The following UNC80 variants were observed in gnomAD, a reference collection of about 807,000 sequenced individuals.
UNC80 encodes unc-80 subunit of NALCN channel complex, also known as protein unc-80 homolog.
In UNC80, 164 loss-of-function variants were observed where a neutral mutation model predicts 384.6. The ratio of observed to expected loss-of-function variants is 0.43; its 90% CI spans 0.38 to 0.49. The LOEUF (loss-of-function observed/expected upper bound fraction) is 0.49, where lower values mean the gene tolerates loss of function less well. UNC80 is among the 20% of genes least tolerant of loss of function. The probability of loss-of-function intolerance (pLI) is 0.00; values close to 1 mark genes in which losing one functional copy is unlikely to be tolerated. For synonymous variants in UNC80, 1,486 were observed against 1,527.8 expected, an observed-to-expected ratio of 0.97 and a Z score of 0.64; for missense variants, 3,330 against 4,143.0, an observed-to-expected ratio of 0.80 and a Z score of 5.39.
rs573531158 is a variant in UNC80 at position 209,875,920 on chromosome 2, A to G, written c.3841-2034A>G. 3.9e-4 allele frequency among the ~76,000 whole-genome samples: 60 copies of G among 152,076 alleles called. 1 individual carries two copies. The highest frequency in any genetic ancestry group is 2.9e-4 in the Non-Finnish European group (20 of 68,000). On this transcript the variant is annotated intron_variant, in intron 23 of 64. Transcript: ENST00000673920. Reference sequence around the variant, plus strand: ...TGGGGTACAAGCAGTTTTTGACCACATAGATGAATTAATTTTATAGCAGTG... The same window carrying G: ...TGGGGTACAAGCAGTTTTTGACCACGTAGATGAATTAATTTTATAGCAGTG...
chr2:209,984,739 G>A (rs986360347), intron 60 of UNC80, 117 bp from the exon 61 acceptor site: 18 of 942,872 alleles, frequency 1.9e-5, no homozygotes, highest in Admixed American at 1.4e-4. Context: ...TTCCTTGTTC[G>A]GTTAAATCTA....
Position 209,872,651 on chromosome 2 carries a change from C to T in UNC80, c.3628-107C>T. On this transcript the variant is annotated intron_variant, in intron 22 of 64. Transcript: ENST00000673920. This position sits in a 1 kb window ranked among gnomAD's most constrained non-coding sequence, Gnocchi z 4.1. ...GAAATATGGCCAATATAAATCAAAA[C>T]ATGAAGAGGAAAATAAACTAAAAAT... 1 of 1,069,338 alleles carries T rather than the reference C, an allele frequency of 9.4e-7. No individual in the cohort carries two copies. Among genetic ancestry groups the T allele is most frequent in the Non-Finnish European group, 1.4e-6 (1 of 726,196 alleles). 66.2% of individuals were successfully genotyped at this position (1,069,338 alleles called of 1,614,324 possible).
chr2:209,903,423 T>C (rs2087681301), intron 28 of UNC80, among the ~76,000 whole-genome samples: 1 of 115,804 alleles, frequency 8.6e-6, no homozygotes, highest in Non-Finnish European at 1.7e-5. Flanking sequence ...ACACATTATA[T>C]ATATTTATAT....
chr2:209,839,292 G>T lies in UNC80; in HGVS notation c.3112G>T (p.Ala1038Ser). Residue 1038 changes from alanine to serine, a missense_variant, in exon 19 of 65, where the codon GCA (alanine) becomes TCA (serine). Ala to Ser is a moderately conservative substitution (Grantham distance 99). This residue lies in a region of UNC80 where 801 missense variants were observed against 950.8 expected (regional missense o/e 0.84). Coordinates refer to ENST00000673920, the MANE Select transcript of UNC80 (RefSeq NM_001371986.1). This position sits in a 1 kb window ranked among gnomAD's most constrained non-coding sequence, Gnocchi z 4.1. ...FWRKMFKSQS[A>S]ASDTSSQSEQ... ...GCGTAAGATGTTCAAGTCCCAGAGT[G>T]CAGCAAGTGACACCAGCAGCCAGTC... 6.4e-7 allele frequency: 1 copy of T among 1,551,638 alleles called. No homozygotes were observed. Among genetic ancestry groups the T allele is most frequent in the South Asian group, 1.2e-5 (1 of 84,054 alleles).
Position 209,816,957 on chromosome 2 carries a change from C to A in UNC80, c.1384C>A (p.His462Asn). 1 of 1,551,670 alleles carries A rather than the reference C, an allele frequency of 6.4e-7. No homozygotes were observed. The highest frequency in any genetic ancestry group is 8.7e-7 in the Non-Finnish European group (1 of 1,146,992). ...AGAGAGGAAAGGCTCCATTCCATTCCACCACACAGGCAAGAGGAGGCCACG... is the reference window on the plus strand; with the variant it reads ...AGAGAGGAAAGGCTCCATTCCATTCAACCACACAGGCAAGAGGAGGCCACG... ...DRERKGSIPF[H>N]HTGKRRPRRM... Residue 462 changes from histidine (H) to asparagine (N), a missense_variant, in exon 10 of 65, where the codon CAC becomes AAC. This residue lies in a region of UNC80 where 937 missense variants were observed against 1,026.8 expected (regional missense o/e 0.91). Transcript: ENST00000673920.
chr2:209,887,744 G>C (rs1321145260), intron 25 of UNC80, among the ~76,000 whole-genome samples: 1 of 152,128 alleles, frequency 6.6e-6, no homozygotes, highest in Non-Finnish European at 1.5e-5. Context: ...ACACATCCAT[G>C]CTTGATGCAT....
At chr2:209,824,765 C>T (rs2080389210) in intron 13 of UNC80, among the ~76,000 whole-genome samples, 1 of 152,136 alleles carries the variant, frequency 6.6e-6, no homozygotes, top group African/African-American at 2.4e-5. Context: ...AGAAAGTCAA[C>T]CTTATCATAG....
chr2:209,843,410 T>C (rs999308733), intron 21 of UNC80, among the ~76,000 whole-genome samples: 4 of 151,004 alleles, frequency 2.6e-5, no homozygotes, highest in Non-Finnish European at 6.0e-5. Context: ...CCATTATTTG[T>C]TCTTCATTTC....
chr2:209,876,901 CT>C (rs1294842703), intron 23 of UNC80, among the ~76,000 whole-genome samples: 1 of 152,128 alleles, frequency 6.6e-6, no homozygotes, highest in East Asian at 1.9e-4. Flanking sequence ...TCAAAAATGT[CT>C]TTTCATTTAA....
chr2:209,808,616 G>C (rs538176665), intron 7 of UNC80, among the ~76,000 whole-genome samples: 2 of 152,126 alleles, frequency 1.3e-5, no homozygotes, highest in Admixed American at 1.3e-4. Context: ...GTGGCCTTAG[G>C]GGGAGGCACG....
At chr2:209,992,307 T>C (rs1422900066) in intron 62 of UNC80, 60 bp downstream of exon 62, 1 of 1,451,620 alleles carries the variant, frequency 6.9e-7, no homozygotes, top group African/African-American at 1.4e-5. Flanking sequence ...CTGTGTGATT[T>C]TTAATGCCCA....
chr2:209,803,940 T>C (rs1395117242), intron 7 of UNC80, among the ~76,000 whole-genome samples: 1 of 152,160 alleles, frequency 6.6e-6, no homozygotes, highest in Non-Finnish European at 1.5e-5. Flanking sequence ...TCTTGCTATG[T>C]TGCCCAGGCT....
At chr2:209,809,885 G>A (rs2079206126) in intron 7 of UNC80, among the ~76,000 whole-genome samples, 1 of 152,138 alleles carries the variant, frequency 6.6e-6, no homozygotes, top group African/African-American at 2.4e-5. Flanking sequence ...TGGCTTTTCT[G>A]CATGTGTTTG....
chr2:209,895,211 C>G (rs1012046509), intron 27 of UNC80, among the ~76,000 whole-genome samples: 5 of 152,092 alleles, frequency 3.3e-5, no homozygotes, highest in African/African-American at 1.2e-4. Context: ...GTAGAACTCA[C>G]CAGCTGCCTA....
At chr2:209,904,527 C>T (rs945995242) in intron 28 of UNC80, among the ~76,000 whole-genome samples, 1 of 152,156 alleles carries the variant, frequency 6.6e-6, no homozygotes, top group Non-Finnish European at 1.5e-5. Context: ...TTTTTGAAGA[C>T]CTGTTAACCT....
At chr2:209,929,430 T>C (rs1213713543) in intron 36 of UNC80, among the ~76,000 whole-genome samples, 1 of 152,186 alleles carries the variant, frequency 6.6e-6, no homozygotes, top group Non-Finnish European at 1.5e-5. Context: ...TTTGAAGCAC[T>C]CATGTGGACA....
chr2:209,985,894 G>T (rs967701460), intron 61 of UNC80, among the ~76,000 whole-genome samples: 6 of 152,108 alleles, frequency 3.9e-5, no homozygotes, highest in Admixed American at 6.5e-5. Context: ...ATCTTGTTCA[G>T]ATTTCACATT....
At position 209,976,985 on chromosome 2, in the gene UNC80, C is replaced by T. The variant is rs1298964913; in HGVS notation, c.8845C>T (p.Arg2949Cys). ...ACATATTGCCGACCAGCTGGAGCGG[C>T]GCTTCATACCACGCCCTTTGTGTAA... ...RQHIADQLER[R>C]FIPRPLCKSS... The change falls in exon 58 of 65, where the codon CGC becomes TGC. Residue 2949 changes from arginine (R) to cysteine (C), a missense_variant. By Grantham distance (180) the Arg-to-Cys change is radical. This residue lies in a region of UNC80 where 216 missense variants were observed against 245.3 expected (regional missense o/e 0.88). Coordinates refer to ENST00000673920, the MANE Select transcript of UNC80 (RefSeq NM_001371986.1). The surrounding 1 kb of genome is among the most constrained non-coding windows in gnomAD (Gnocchi z 4.3). The T allele has an allele frequency of 1.3e-6, 2 of 1,537,172 alleles. No individual in the cohort carries two copies. The highest frequency in any genetic ancestry group is 1.8e-6 in the Non-Finnish European group (2 of 1,134,972).
At position 209,819,093 on chromosome 2, in the gene UNC80, A is replaced by G; in HGVS notation, c.1794A>G (p.Lys598=). 1 of 1,552,070 alleles carries G rather than the reference A, an allele frequency of 6.4e-7. No individual in the cohort carries two copies. Among genetic ancestry groups the G allele is most frequent in the Non-Finnish European group, 8.7e-7 (1 of 1,147,092 alleles). The change falls in exon 12 of 65, where the codon AAA becomes AAG. Residue 598 remains lysine (K), a synonymous_variant. Transcript: ENST00000673920. ...ACTTTTTCAATGAGCATATGAGGAA[A>G]CTCTGCAACCAGGTGCCTATCCCGG... The part of the protein sequence containing the change: ...YADFFNEHMR[K]LCNQVPIPEM...
Sources: gnomAD v4.1 joint callset for allele counts (sites outside exome capture counted in the v4.1 genomes callset) on GRCh38, gnomAD v4.1.1 for gene constraint, gnomAD v4.1.1 regional missense constraint, Gnocchi (gnomAD v3.1) non-coding constraint, MANE v1.5 for transcripts, NCBI Gene and HGNC (gene_info 2026-07-23, HGNC 2026-07-21) for gene names.